Variants in TACC2 observed in about 807,000 individuals in gnomAD.
TACC2 encodes the protein transforming acidic coiled-coil containing protein 2.
TACC2 carries 137 observed loss-of-function variants against 227.3 expected under a neutral mutation model. That is an observed-to-expected ratio of 0.60 (90% CI 0.52 to 0.69). The LOEUF (loss-of-function observed/expected upper bound fraction) is 0.69. TACC2 is among the 30% of genes least tolerant of loss of function. TACC2 has a pLI of 0.00. For missense variants in TACC2, 3,470 were observed against 3,694.4 expected (o/e 0.94, Z 1.57); for synonymous variants, 1,523 against 1,487.5 (o/e 1.02, Z -0.55).
chr10:122,214,928 CTTTCTA>C (rs2095369564), intron 9 of TACC2, among the ~76,000 whole-genome samples: 1 of 152,104 alleles, frequency 6.6e-6, no homozygotes, highest in Non-Finnish European at 1.5e-5. Flanking sequence ...GGACCCCGAA[CTTTCTA>C]TTTCTGCGTG....
At chr10:122,158,102 G>A (rs528820717) in intron 7 of TACC2, among the ~76,000 whole-genome samples, 2 of 152,124 alleles carry the variant, frequency 1.3e-5, no homozygotes, top group African/African-American at 4.8e-5. Context: ...GTCTCGACTG[G>A]CTGTGAGATT....
intron 5 of TACC2, among the ~76,000 whole-genome samples, chr10:122,096,681 G>T (rs1221722660): frequency 7.5e-6 from 1 of 132,600 alleles, no homozygotes; most frequent in Admixed American, 8.1e-5. Flanking sequence ...GGGCGACAGA[G>T]CAAAACTCCG....
At chr10:122,035,022 T>G (rs955337432) in intron 2 of TACC2, among the ~76,000 whole-genome samples, 1 of 152,210 alleles carries the variant, frequency 6.6e-6, no homozygotes. Flanking sequence ...ATGGTGGATC[T>G]GAAGGACAAG....
chr10:122,062,023 G>A (rs1282293517), intron 3 of TACC2, among the ~76,000 whole-genome samples: 4 of 140,402 alleles, frequency 2.8e-5, no homozygotes, highest in South Asian at 2.2e-4. Context: ...ATGTCAGAGC[G>A]GCTTTTTTTT....
intron 1 of TACC2, among the ~76,000 whole-genome samples, chr10:122,014,399 T>C (rs1354895125): frequency 2.6e-5 from 4 of 152,008 alleles, no homozygotes; most frequent in African/African-American, 4.8e-5. Context: ...TTAGTAGAGA[T>C]GGCATTTCAC....
chr10:122,007,818 T>TG (rs1955370202), intron 1 of TACC2, among the ~76,000 whole-genome samples: 1 of 152,166 alleles, frequency 6.6e-6, no homozygotes, highest in African/African-American at 2.4e-5. Flanking sequence ...CATTGAAAGG[T>TG]GGGGCCTTTA....
intron 5 of TACC2, among the ~76,000 whole-genome samples, chr10:122,118,021 T>C (rs1018262682): frequency 3.3e-5 from 5 of 150,882 alleles, no homozygotes; most frequent in South Asian, 2.1e-4. Flanking sequence ...TTTTCTTTTT[T>C]TTTTTTTTTT....
chr10:122,132,487 T>G, intron 5 of TACC2, 122 bp from the exon 6 acceptor site: 2 of 1,169,422 alleles, frequency 1.7e-6, no homozygotes, highest in East Asian at 4.7e-5. Context: ...AGACAGAGTT[T>G]GCAGTGAGCG....
At chr10:122,097,452 C>T (rs942040630) in intron 5 of TACC2, among the ~76,000 whole-genome samples, 6 of 151,892 alleles carry the variant, frequency 4.0e-5, no homozygotes, top group Non-Finnish European at 5.9e-5. Flanking sequence ...GGGCAGGGTG[C>T]GCCTAGCAAG....
chr10:122,233,564 C>T lies in TACC2; in HGVS notation c.8127+3124C>T, dbSNP rs568718439. 3.3e-5 allele frequency among the ~76,000 whole-genome samples: 5 copies of T among 152,242 alleles called. No homozygotes were observed. In the East Asian group the frequency reaches 7.7e-4, roughly 24 times the overall value. ...AAGGAGTTGGGGCCACCTGTGTTGT[C>T]GTTGAGCAGCCTGGCAGCATGCTCT... On this transcript the variant is annotated intron_variant, in intron 16 of 22. Coordinates refer to ENST00000369005, the MANE Select transcript of TACC2 (RefSeq NM_206862.4).
chr10:122,197,558 G>C (rs1412214168), intron 8 of TACC2, among the ~76,000 whole-genome samples: 1 of 152,240 alleles, frequency 6.6e-6, no homozygotes, highest in Admixed American at 6.5e-5. Context: ...GTTACTAAAA[G>C]AATGAGCATT....
chr10:122,058,295 C>G (rs2076410606), intron 3 of TACC2, among the ~76,000 whole-genome samples: 1 of 152,200 alleles, frequency 6.6e-6, no homozygotes, highest in African/African-American at 2.4e-5. Flanking sequence ...ATTCCAGTCT[C>G]AAACTTCCCT....
chr10:122,066,547 G>A (rs181404198), intron 3 of TACC2, among the ~76,000 whole-genome samples: 3 of 152,168 alleles, frequency 2.0e-5, no homozygotes, highest in African/African-American at 4.8e-5. Flanking sequence ...GATTAGAGGC[G>A]TGAGCCACCG....
chr10:122,154,248 A>G (rs1479464579), intron 7 of TACC2, among the ~76,000 whole-genome samples: 1 of 152,236 alleles, frequency 6.6e-6, no homozygotes, highest in Admixed American at 6.5e-5. Flanking sequence ...TTGGAGCCAA[A>G]CTTGCTGCTG....
At chr10:122,055,106 G>A (rs1349151805) in intron 3 of TACC2, among the ~76,000 whole-genome samples, 2 of 152,122 alleles carry the variant, frequency 1.3e-5, no homozygotes, top group Non-Finnish European at 2.9e-5. Flanking sequence ...TGTAGTCCCA[G>A]CTACTCTGGA....
chr10:122,105,635 T>A (rs2082673145), intron 5 of TACC2, among the ~76,000 whole-genome samples: 1 of 151,870 alleles, frequency 6.6e-6, no homozygotes, highest in Non-Finnish European at 1.5e-5. Flanking sequence ...TTTTTTTTTT[T>A]TTGAGATGGA....
intron 2 of TACC2, among the ~76,000 whole-genome samples, chr10:122,048,951 A>C (rs566090843): frequency 5.0e-4 from 76 of 152,328 alleles, no homozygotes; most frequent in Admixed American, 5.2e-4. Context: ...AAAATTCAGT[A>C]AGTTATTCTG....
intron 12 of TACC2, 23 bp from the exon 13 acceptor site, chr10:122,226,343 A>T: frequency 6.4e-7 from 1 of 1,562,124 alleles, no homozygotes; most frequent in Non-Finnish European, 8.8e-7. Context: ...ACCCAAGCTG[A>T]TATGTGATTT....
chr10:122,229,063 G>C (rs553638804), intron 14 of TACC2, among the ~76,000 whole-genome samples: 87 of 152,148 alleles, frequency 5.7e-4, no homozygotes, highest in African/African-American at 1.9e-3. Context: ...CCGCTGGCTA[G>C]CTCCCACTCA....
Sources: gnomAD v4.1 joint callset for allele counts (sites outside exome capture counted in the v4.1 genomes callset) on GRCh38, gnomAD v4.1.1 for gene constraint, MANE v1.5 for transcripts, NCBI Gene and HGNC (gene_info 2026-07-23, HGNC 2026-07-21) for gene names.